The following GTF3C1 variants were observed in gnomAD, a reference collection of about 807,000 sequenced individuals.
The protein encoded by GTF3C1 is general transcription factor 3C polypeptide 1.
Under a neutral mutation model 226.7 loss-of-function variants are expected in GTF3C1, and 57 were observed. The observed-to-expected ratio is 0.25, with a 90% CI of 0.20 to 0.31. GTF3C1 has a LOEUF of 0.31. Ranked by LOEUF, GTF3C1 falls within the 10% of genes least tolerant of loss-of-function variation. The pLI is 1.00. For synonymous variants in GTF3C1, 1,090 were observed against 1,084.8 expected, an observed-to-expected ratio of 1.00 and a Z score of -0.09; for missense variants, 2,217 against 2,776.1, an observed-to-expected ratio of 0.80 and a Z score of 4.53.
intron 6 of GTF3C1, among the ~76,000 whole-genome samples, chr16:27,513,077 G>T (rs2088601134): frequency 1.3e-5 from 2 of 152,188 alleles, no homozygotes. Flanking sequence ...GTGGATTTTT[G>T]AGGGTCACTG....
chr16:27,502,366 C>T (rs1420827951), intron 11 of GTF3C1, among the ~76,000 whole-genome samples: 2 of 152,188 alleles, frequency 1.3e-5, no homozygotes, highest in Admixed American at 6.5e-5. Context: ...TGGGAGCTTA[C>T]AAGAACCACA....
chr16:27,545,723 C>T (rs1278144100), intron 1 of GTF3C1, among the ~76,000 whole-genome samples, 200 bp from the exon 2 acceptor site: 1 of 152,192 alleles, frequency 6.6e-6, no homozygotes, highest in African/African-American at 2.4e-5. Context: ...CCAGGACTCC[C>T]CAGACTATTC....
intron 1 of GTF3C1, among the ~76,000 whole-genome samples, chr16:27,547,020 G>A (rs1311706479): frequency 1.3e-5 from 2 of 152,044 alleles, no homozygotes; most frequent in Non-Finnish European, 2.9e-5. Context: ...GGGATTACAG[G>A]CATGATTCAC....
intron 6 of GTF3C1, among the ~76,000 whole-genome samples, chr16:27,520,902 A>C (rs964544251): frequency 1.3e-5 from 2 of 152,210 alleles, no homozygotes; most frequent in Non-Finnish European, 2.9e-5. Context: ...TATTTTTAGC[A>C]GAGATGGGGT....
At chr16:27,549,564 C>T (rs537877284) in intron 1 of GTF3C1, 106 bp downstream of exon 1, 2 of 699,584 alleles carry the variant, frequency 2.9e-6, no homozygotes, top group South Asian at 3.7e-5. Context: ...AACAGGCCTC[C>T]GGTACTTGCA....
chr16:27,461,107 TG>T lies in GTF3C1; in HGVS notation c.*242del. On this transcript the variant is annotated 3_prime_UTR_variant, in exon 37 of 37. Transcript: ENST00000356183. This position sits in a 1 kb window ranked among gnomAD's most constrained non-coding sequence, Gnocchi z 5.3. Reference sequence around the variant, plus strand: ...CAAGAAGCACCAACTCCCAGTGTGATGAGGCCAGTTCCCAAGGGGAAGGCCC... The same window carrying T: ...CAAGAAGCACCAACTCCCAGTGTGATAGGCCAGTTCCCAAGGGGAAGGCCC... 2.2e-6 allele frequency: 1 copy of T among 454,476 alleles called. No individual in the cohort carries two copies. The highest frequency in any genetic ancestry group is 3.5e-5 in the Admixed American group (1 of 28,960). The allele number at this position is 454,476 out of a possible 1,614,324, so 28.2% of individuals were successfully genotyped here.
intron 24 of GTF3C1, among the ~76,000 whole-genome samples, chr16:27,484,817 A>G (rs928906351): frequency 1.3e-5 from 2 of 152,272 alleles, no homozygotes; most frequent in Non-Finnish European, 2.9e-5. Flanking sequence ...ATCTTGGTCA[A>G]TAACACAGGA....
chr16:27,520,975 T>G (rs964974657), intron 6 of GTF3C1, among the ~76,000 whole-genome samples: 1 of 152,232 alleles, frequency 6.6e-6, no homozygotes. Flanking sequence ...CACCTGGGCC[T>G]GCCAAAGTGT....
In GTF3C1 at chr16:27,470,185, G is replaced by A; in HGVS notation, c.4737C>T (p.Leu1579=). The A allele has an allele frequency of 1.2e-6, 2 of 1,613,740 alleles. No individual in the cohort carries two copies. The highest frequency in any genetic ancestry group is 8.5e-7 in the Non-Finnish European group (1 of 1,179,618). ...CCGGGATCCTGACATCCACAGAAAT[G>A]AGGCCCAGAGAGAAGAGGGTCAGGA... The part of the protein sequence containing the change: ...VAVLTLFSLG[L]ISVDVRIPEQ... The change falls in exon 31 of 37, where the codon CTC becomes CTT. Residue 1579 remains leucine (L), a synonymous_variant. Coordinates refer to ENST00000356183, the MANE Select transcript of GTF3C1 (RefSeq NM_001520.4). This position sits in a 1 kb window ranked among gnomAD's most constrained non-coding sequence, Gnocchi z 4.9.
chr16:27,488,201 G>C, intron 23 of GTF3C1, 26 bp downstream of exon 23: 1 of 1,595,178 alleles, frequency 6.3e-7, no homozygotes, highest in Non-Finnish European at 8.6e-7. Flanking sequence ...ACAAGGCCCA[G>C]TAAATGAAAA....
chr16:27,484,582 G>T (rs1312546238), intron 24 of GTF3C1, among the ~76,000 whole-genome samples: 1 of 152,238 alleles, frequency 6.6e-6, no homozygotes, highest in African/African-American at 2.4e-5. Flanking sequence ...GGGAAAGAGT[G>T]TATTTTAGCA....
At chr16:27,501,839 A>G (rs1176964764) in intron 11 of GTF3C1, among the ~76,000 whole-genome samples, 1 of 152,212 alleles carries the variant, frequency 6.6e-6, no homozygotes. Flanking sequence ...GTGGTGGCTC[A>G]TGCCTATAAT....
intron 28 of GTF3C1, among the ~76,000 whole-genome samples, chr16:27,477,364 TG>T (rs545236220): frequency 1.2e-3 from 181 of 152,188 alleles, no homozygotes; most frequent in African/African-American, 4.2e-3. Context: ...TTGAGTGCAA[TG>T]GTGTGATCTC....
Position 27,471,161 on chromosome 16 carries a change from G to C in GTF3C1, c.4526+587C>G, listed in dbSNP as rs114195201. ...AGCCCCGTGCAGACCTGAGTGCGGG[G>C]AAGGAGAATGGTGTGAAGGGGAAGC... On this transcript the variant is annotated intron_variant, in intron 30 of 36. Transcript: ENST00000356183. This position sits in a 1 kb window ranked among gnomAD's most constrained non-coding sequence, Gnocchi z 5.0. 7.0e-3 allele frequency among the ~76,000 whole-genome samples: 1,065 copies of C among 152,364 alleles called. 15 individuals carry two copies. Among genetic ancestry groups the C allele is most frequent in the African/African-American group, 0.024 (1,014 of 41,590 alleles).
At position 27,464,360 on chromosome 16, in the gene GTF3C1, G is replaced by T; in HGVS notation, c.5832C>A (p.Ser1944Arg). 10 of 1,553,152 alleles carry T rather than the reference G, an allele frequency of 6.4e-6. No homozygotes were observed. Among genetic ancestry groups the T allele is most frequent in the Non-Finnish European group, 8.7e-6 (10 of 1,153,622 alleles). Residue 1944 changes from serine to arginine, a missense_variant, in exon 34 of 37, where the codon AGC becomes AGA. Ser to Arg is a moderately radical substitution (Grantham distance 110). This residue lies in a region of GTF3C1 where 455 missense variants were observed against 441.9 expected (regional missense o/e 1.03). Transcript: ENST00000356183. ...EFSSPGQEQL[S>R]GQAQPPEGSE... ...AGCCCTCTGGAGGCTGCGCCTGGCCGCTCAGCTGCTCTTGGCCTGGGGAAC... is the reference window on the plus strand; with the variant it reads ...AGCCCTCTGGAGGCTGCGCCTGGCCTCTCAGCTGCTCTTGGCCTGGGGAAC...
chr16:27,515,400 G>T (rs1567406194), intron 6 of GTF3C1, among the ~76,000 whole-genome samples: 2 of 151,262 alleles, frequency 1.3e-5, no homozygotes, highest in East Asian at 3.9e-4. Context: ...AGTGAGCTAT[G>T]ATCACACCAC....
intron 9 of GTF3C1, 131 bp from the exon 10 acceptor site, chr16:27,506,247 C>CCAG (rs2141402313): frequency 1.7e-6 from 1 of 605,084 alleles, no homozygotes; most frequent in South Asian, 2.0e-5. Context: ...GGGAAGTGGA[C>CCAG]CAGCAGCAGC....
chr16:27,510,833 G>C (rs964050857), intron 7 of GTF3C1, among the ~76,000 whole-genome samples: 1 of 152,174 alleles, frequency 6.6e-6, no homozygotes, highest in African/African-American at 2.4e-5. Flanking sequence ...TGTTTTCTTT[G>C]CCCATTCATC....
chr16:27,530,184 C>G (rs186469178), intron 5 of GTF3C1, among the ~76,000 whole-genome samples: 66 of 152,296 alleles, frequency 4.3e-4, no homozygotes, highest in African/African-American at 1.5e-3. Flanking sequence ...GTGGTTACCT[C>G]CCAGGCTAAC....
Sources: allele counts gnomAD v4.1 joint callset (sites outside exome capture counted in the v4.1 genomes callset), GRCh38; gene constraint gnomAD v4.1.1; regional missense constraint gnomAD v4.1.1; non-coding constraint Gnocchi (gnomAD v3.1); transcripts MANE v1.5; gene names NCBI Gene and HGNC (gene_info 2026-07-23, HGNC 2026-07-21).